TTLL11: variants seen among roughly 807,000 people sequenced by gnomAD.
The protein encoded by TTLL11 is tubulin tyrosine ligase like 11.
A neutral mutation model predicts 51.7 loss-of-function variants in TTLL11; 42 were observed. That is an observed-to-expected ratio of 0.81 (90% CI 0.64 to 1.05). The LOEUF is 1.05. TTLL11 is among the 50% of genes least tolerant of loss of function. The pLI, the probability that TTLL11 is intolerant of heterozygous loss-of-function variation, is 0.00. For synonymous variants in TTLL11, 381 were observed against 383.5 expected (o/e 0.99, Z 0.08); for missense variants, 799 against 940.4 (o/e 0.85, Z 1.97).
At chr9:122,086,835 C>T (rs1846140333) in intron 1 of TTLL11, among the ~76,000 whole-genome samples, 1 of 152,228 alleles carries the variant, frequency 6.6e-6, no homozygotes, top group Non-Finnish European at 1.5e-5. Context: ...AATCATAAAA[C>T]ACTTAAAAGT....
chr9:121,935,312 G>A (rs1354587097), intron 6 of TTLL11, among the ~76,000 whole-genome samples: 1 of 152,090 alleles, frequency 6.6e-6, no homozygotes, highest in Non-Finnish European at 1.5e-5. Context: ...TGCTTTTACA[G>A]CATCACTGCA....
intron 1 of TTLL11, among the ~76,000 whole-genome samples, chr9:122,076,234 G>A (rs936889040): frequency 1.3e-5 from 2 of 152,200 alleles, no homozygotes; most frequent in East Asian, 1.9e-4. Flanking sequence ...CAAGCCGTCT[G>A]TAAGCCATCC....
intron 6 of TTLL11, among the ~76,000 whole-genome samples, chr9:121,958,344 T>C (rs1842086919): frequency 6.6e-6 from 1 of 152,242 alleles, no homozygotes; most frequent in African/African-American, 2.4e-5. Context: ...ATTTCAGTCA[T>C]GGGTCTTTGC....
intron 2 of TTLL11, among the ~76,000 whole-genome samples, chr9:122,035,881 C>T (rs1006775886): frequency 2.0e-5 from 3 of 152,168 alleles, no homozygotes; most frequent in Non-Finnish European, 4.4e-5. Context: ...ACTCATCACC[C>T]CTCCCCTGCC....
Position 121,848,986 on chromosome 9 carries a change from C to G in TTLL11, c.1840+11351G>C, listed in dbSNP as rs118118962. ...ACCAAGTCAGTGGACTGACACTGCT[C>G]AACTCCAAAATTTACTATAAAGCTC... On this transcript the variant is annotated intron_variant, in intron 8 of 8. Coordinates refer to ENST00000321582, the MANE Select transcript of TTLL11 (RefSeq NM_001139442.2). Among the ~76,000 whole-genome samples the G allele has an allele frequency of 3.0e-3, 462 of 152,270 alleles. 5 individuals carry two copies. Among genetic ancestry groups the G allele is most frequent in the Admixed American group, 0.021 (318 of 15,306 alleles).
intron 6 of TTLL11, among the ~76,000 whole-genome samples, chr9:121,955,181 T>C (rs540592585): frequency 2.6e-5 from 4 of 152,356 alleles, no homozygotes; most frequent in South Asian, 2.1e-4. Context: ...ACGAGCACCG[T>C]TGGTTTACTT....
intron 6 of TTLL11, among the ~76,000 whole-genome samples, chr9:121,934,101 T>A (rs1400095727): frequency 6.6e-6 from 1 of 152,062 alleles, no homozygotes; most frequent in African/African-American, 2.4e-5. Context: ...TGGTGTCACA[T>A]GCCTACATGT....
intron 6 of TTLL11, among the ~76,000 whole-genome samples, chr9:121,951,952 G>A (rs1208682262): frequency 3.9e-5 from 6 of 152,236 alleles, no homozygotes; most frequent in Admixed American, 6.5e-5. Flanking sequence ...CATGGCGCTG[G>A]TGGGAGTGTA....
chr9:122,040,395 T>C, intron 1 of TTLL11: 1 of 985,334 alleles, frequency 1.0e-6, no homozygotes, highest in Non-Finnish European at 1.2e-6. Context: ...GGCCTGTTCT[T>C]TCCACTACAT....
chr9:122,005,820 C>G (rs1414107140), intron 3 of TTLL11, among the ~76,000 whole-genome samples: 1 of 152,136 alleles, frequency 6.6e-6, no homozygotes, highest in Non-Finnish European at 1.5e-5. Context: ...TTGGAAATTT[C>G]CAGGGGTGTT....
chr9:122,036,834 G>T (rs925510006), intron 2 of TTLL11, among the ~76,000 whole-genome samples: 3 of 152,302 alleles, frequency 2.0e-5, no homozygotes, highest in Admixed American at 1.3e-4. Context: ...CTCTGCTGAG[G>T]ATTACTACCT....
intron 1 of TTLL11, among the ~76,000 whole-genome samples, chr9:122,091,106 T>C (rs1846249560): frequency 6.6e-6 from 1 of 152,110 alleles, no homozygotes; most frequent in Non-Finnish European, 1.5e-5. Flanking sequence ...TGGGCTGGGA[T>C]GTATTAGTCC....
intron 4 of TTLL11, among the ~76,000 whole-genome samples, chr9:121,975,979 A>G (rs1341599520): frequency 6.6e-6 from 1 of 152,188 alleles, no homozygotes; most frequent in Non-Finnish European, 1.5e-5. Flanking sequence ...AGAAGCAGAA[A>G]CTGAAACTCA....
At position 122,012,177 on chromosome 9, in the gene TTLL11, T is replaced by C. The variant is rs536216057; in HGVS notation, c.693+19546A>G. On this transcript the variant is annotated intron_variant, in intron 3 of 8. Coordinates refer to ENST00000321582, the MANE Select transcript of TTLL11 (RefSeq NM_001139442.2). ...GGTAGAGCAGAGCAATTTTTATAAT[T>C]TCCTTTTGAAATAGGCATTGAAGTC... 2.6e-5 allele frequency among the ~76,000 whole-genome samples: 4 copies of C among 152,322 alleles called. No homozygotes were observed. The South Asian group carries it at 8.3e-4, about 32-fold the overall frequency.
rs73546430 is a variant in TTLL11, at chr9:121,904,757, C to T, written c.1482-34009G>A. Among the ~76,000 whole-genome samples the T allele has an allele frequency of 9.5e-3, 1,449 of 152,340 alleles. 27 individuals are homozygous for T. The highest frequency in any genetic ancestry group is 0.033 in the African/African-American group (1,391 of 41,588). On this transcript the variant is annotated intron_variant, in intron 6 of 8. Coordinates refer to ENST00000321582, the MANE Select transcript of TTLL11 (RefSeq NM_001139442.2). ...AAGGGAGACAACCTGACCAGGATCCCTGCCCGTTTGACTGGCCCCTGCCAT... is the reference window on the plus strand; with the variant it reads ...AAGGGAGACAACCTGACCAGGATCCTTGCCCGTTTGACTGGCCCCTGCCAT...
intron 8 of TTLL11, among the ~76,000 whole-genome samples, chr9:121,859,996 C>T (rs541237561): frequency 4.3e-4 from 66 of 152,184 alleles, no homozygotes; most frequent in Non-Finnish European, 7.6e-4. Flanking sequence ...TCTTTCAGGA[C>T]GAGAACCAAG....
intron 1 of TTLL11, among the ~76,000 whole-genome samples, chr9:122,078,540 A>G (rs1218762191): frequency 6.6e-6 from 1 of 152,252 alleles, no homozygotes; most frequent in Non-Finnish European, 1.5e-5. Context: ...AGTAGTGCAT[A>G]AAGTTCAAGG....
chr9:121,840,841 A>C (rs1356655143), intron 8 of TTLL11, among the ~76,000 whole-genome samples: 2 of 151,934 alleles, frequency 1.3e-5, no homozygotes, highest in African/African-American at 4.8e-5. Context: ...CTATTTGTTC[A>C]CTCACTTGCT....
chr9:122,043,935 G>A (rs1844922970), intron 1 of TTLL11, among the ~76,000 whole-genome samples: 1 of 151,944 alleles, frequency 6.6e-6, no homozygotes, highest in South Asian at 2.1e-4. Flanking sequence ...GTATACATGT[G>A]CCATGTTGGT....
Sources: gnomAD v4.1 joint callset for allele counts (sites outside exome capture counted in the v4.1 genomes callset) on GRCh38, gnomAD v4.1.1 for gene constraint, MANE v1.5 for transcripts, NCBI Gene and HGNC (gene_info 2026-07-23, HGNC 2026-07-21) for gene names.